The following DCC variants were observed in gnomAD, a reference collection of about 807,000 sequenced individuals.
DCC encodes the protein netrin receptor DCC.
DCC carries 58 observed loss-of-function variants against 172.5 expected under a neutral mutation model. That is an observed-to-expected ratio of 0.34 (90% confidence interval 0.27 to 0.42). The LOEUF (loss-of-function observed/expected upper bound fraction) is 0.42, where lower values mean the gene tolerates loss of function less well. Ranked by LOEUF, DCC falls within the 10% of genes least tolerant of loss-of-function variation. The pLI is 1.00. For missense variants in DCC, 1,740 were observed against 1,791.0 expected (o/e 0.97, Z 0.51); for synonymous variants, 709 against 644.5 (o/e 1.10, Z -1.52).
intron 1 of DCC, among the ~76,000 whole-genome samples, chr18:52,636,203 G>T (rs888047862): frequency 6.6e-6 from 1 of 152,212 alleles, no homozygotes; most frequent in African/African-American, 2.4e-5. Flanking sequence ...AGCCCGCTGG[G>T]TTCTGGAGCA....
chr18:52,481,944 AT>A (rs1208737690), intron 1 of DCC, among the ~76,000 whole-genome samples: 1 of 152,122 alleles, frequency 6.6e-6, no homozygotes, highest in African/African-American at 2.4e-5. Context: ...TATAAAATGT[AT>A]TGTTACTTTC....
At chr18:53,068,565 T>A (rs577042439) in intron 7 of DCC, among the ~76,000 whole-genome samples, 1 of 151,990 alleles carries the variant, frequency 6.6e-6, no homozygotes, top group African/African-American at 2.4e-5. Flanking sequence ...CAATGCAAGA[T>A]AAGTGACTTC....
chr18:53,180,630 T>A (rs2055179701), intron 9 of DCC, among the ~76,000 whole-genome samples: 1 of 152,196 alleles, frequency 6.6e-6, no homozygotes, highest in Non-Finnish European at 1.5e-5. Flanking sequence ...GCCAATTTCC[T>A]CTTCATAATG....
intron 21 of DCC, among the ~76,000 whole-genome samples, chr18:53,427,518 C>T (rs1214614469): frequency 6.6e-6 from 1 of 151,762 alleles, no homozygotes; most frequent in Non-Finnish European, 1.5e-5. Flanking sequence ...AAGGTTGTGA[C>T]AAGGGTGATC....
intron 1 of DCC, among the ~76,000 whole-genome samples, chr18:52,578,782 C>T (rs765477149): frequency 1.3e-5 from 2 of 152,212 alleles, no homozygotes; most frequent in Non-Finnish European, 2.9e-5. Context: ...GGGTGGATCA[C>T]GAGGTCGAGA....
intron 25 of DCC, among the ~76,000 whole-genome samples, chr18:53,481,284 C>T (rs189113648): frequency 2.7e-4 from 41 of 152,274 alleles, no homozygotes; most frequent in African/African-American, 8.9e-4. Context: ...GGCTATGATG[C>T]TTATTCACTA....
intron 2 of DCC, among the ~76,000 whole-genome samples, chr18:52,802,071 A>G (rs2038000429): frequency 6.6e-6 from 1 of 151,396 alleles, no homozygotes; most frequent in African/African-American, 2.4e-5. Flanking sequence ...ACACAGTATT[A>G]CTGCTCTAAG....
intron 7 of DCC, among the ~76,000 whole-genome samples, chr18:53,106,993 G>A (rs73957087): frequency 0.016 from 2,479 of 151,894 alleles, 81 homozygotes; most frequent in African/African-American, 0.057. Flanking sequence ...TAAGACATAG[G>A]GACATCAGGA....
intron 5 of DCC, among the ~76,000 whole-genome samples, chr18:52,940,054 G>T (rs1407952647): frequency 6.6e-6 from 1 of 152,186 alleles, no homozygotes. Flanking sequence ...AACAGAACCT[G>T]TAGGGTTGGG....
chr18:53,155,630 T>C (rs911874741), intron 7 of DCC, among the ~76,000 whole-genome samples: 6 of 152,364 alleles, frequency 3.9e-5, no homozygotes, highest in Admixed American at 6.5e-5. Context: ...TATGAACAAG[T>C]CCATGAAAAT....
rs138581650 is a variant in DCC at position 53,469,011 on chromosome 18, C to A, written c.3736+1001C>A. ...CATGTCACACCAAATCAAACCAGTA[C>A]AAAATCTCAGTTCCTATTACCTTAT... On this transcript the variant is annotated intron_variant, in intron 25 of 28. Coordinates refer to ENST00000442544, the MANE Select transcript of DCC (RefSeq NM_005215.4). Among the ~76,000 whole-genome samples, 9 of 152,256 alleles carry A rather than the reference C, an allele frequency of 5.9e-5. No homozygotes were observed. The South Asian group carries it at 1.9e-3, about 32-fold the overall frequency.
intron 14 of DCC, among the ~76,000 whole-genome samples, chr18:53,335,587 A>G (rs976405787): frequency 6.6e-6 from 1 of 152,184 alleles, no homozygotes; most frequent in African/African-American, 2.4e-5. Flanking sequence ...CATACATGTT[A>G]CAGAAAATAA....
intron 2 of DCC, among the ~76,000 whole-genome samples, chr18:52,878,206 C>T (rs2039430641): frequency 6.6e-6 from 1 of 152,164 alleles, no homozygotes; most frequent in South Asian, 2.1e-4. Context: ...TGATCATGTG[C>T]TTTGCTAGTA....
chr18:53,044,449 CTG>C (rs1568266038), intron 5 of DCC, among the ~76,000 whole-genome samples: 5 of 151,654 alleles, frequency 3.3e-5, no homozygotes, highest in African/African-American at 1.2e-4. Flanking sequence ...TATATATGAA[CTG>C]TGTGATGCCG....
Position 52,605,384 on chromosome 18 carries a change from T to C in DCC, c.92-146670T>C, listed in dbSNP as rs530519348. On this transcript the variant is annotated intron_variant, in intron 1 of 28. Coordinates refer to ENST00000442544, the MANE Select transcript of DCC (RefSeq NM_005215.4). ...GCTAAACCAGGAAAGAGACTGCAAT[T>C]ACAACTAAGAAGCTACTGCATTCGA... Among the ~76,000 whole-genome samples the C allele has an allele frequency of 1.0e-3, 156 of 152,256 alleles. 2 individuals are homozygous for C. The highest frequency in any genetic ancestry group is 3.4e-3 in the Middle Eastern group (1 of 294).
chr18:53,088,076 A>G (rs1038504666), intron 7 of DCC, among the ~76,000 whole-genome samples: 12 of 152,104 alleles, frequency 7.9e-5, no homozygotes, highest in African/African-American at 2.7e-4. Flanking sequence ...GGATTGACTT[A>G]GCGATGCGGG....
chr18:53,138,994 A>G (rs2043790274), intron 7 of DCC, among the ~76,000 whole-genome samples: 1 of 152,214 alleles, frequency 6.6e-6, no homozygotes, highest in Non-Finnish European at 1.5e-5. Flanking sequence ...CACTATGATT[A>G]CATCCAAGAG....
chr18:53,467,182 T>A (rs1215846044), intron 24 of DCC, among the ~76,000 whole-genome samples: 1 of 151,994 alleles, frequency 6.6e-6, no homozygotes, highest in Non-Finnish European at 1.5e-5. Context: ...ATATATATAT[T>A]CATATACACA....
At chr18:52,871,939 G>T (rs1183721401) in intron 2 of DCC, among the ~76,000 whole-genome samples, 9 of 152,082 alleles carry the variant, frequency 5.9e-5, no homozygotes, top group African/African-American at 2.2e-4. Context: ...CTGTCTACTG[G>T]TATGTCAAGT....
Sources: gnomAD v4.1 joint callset for allele counts (sites outside exome capture counted in the v4.1 genomes callset) on GRCh38, gnomAD v4.1.1 for gene constraint, MANE v1.5 for transcripts, NCBI Gene and HGNC (gene_info 2026-07-23, HGNC 2026-07-21) for gene names.